PRELID2: variants seen among roughly 807,000 people sequenced by gnomAD.
PRELID2 encodes PRELI domain containing 2, also known as PRELI domain-containing protein 2.
A neutral mutation model predicts 28.4 loss-of-function variants in PRELID2; 25 were observed. The ratio of observed to expected loss-of-function variants is 0.88; its 90% CI spans 0.64 to 1.23. The LOEUF is 1.23. Among genes scored for constraint, PRELID2 ranks in the 50% most tolerant of loss-of-function variants. The probability of loss-of-function intolerance (pLI) is 0.00; values close to 1 mark genes in which losing one functional copy is unlikely to be tolerated. For missense variants in PRELID2, 201 were observed against 214.4 expected, an observed-to-expected ratio of 0.94 and a Z score of 0.39; for synonymous variants, 76 against 71.6, an observed-to-expected ratio of 1.06 and a Z score of -0.31.
At chr5:145,405,618 A>G in the PRELID2 span, among the ~76,000 whole-genome samples, 1 of 151,586 alleles carries the variant, frequency 6.6e-6, no homozygotes, top group Non-Finnish European at 1.5e-5. Flanking sequence ...GCTTAGAATC[A>G]TGGCAGAAAG....
chr5:145,637,654 A>C (rs865993621), intron 1 of PRELID2, among the ~76,000 whole-genome samples: 5 of 152,218 alleles, frequency 3.3e-5, no homozygotes, highest in African/African-American at 1.2e-4. Context: ...GAGGACCAAG[A>C]GAATTTAAAC....
At chr5:145,697,047 ATAT>A (rs1755288735) in intron 1 of PRELID2, among the ~76,000 whole-genome samples, 3 of 109,982 alleles carry the variant, frequency 2.7e-5, no homozygotes, top group Non-Finnish European at 5.2e-5. Flanking sequence ...ATATATATAT[ATAT>A]ATATATATAT....
chr5:145,320,592 C>T, the PRELID2 span, among the ~76,000 whole-genome samples: 4 of 152,236 alleles, frequency 2.6e-5, no homozygotes, highest in South Asian at 8.3e-4. Context: ...CACACATTTC[C>T]CTGCACGCAT....
chr5:145,597,218 A>C (rs1293197632), intron 1 of PRELID2, among the ~76,000 whole-genome samples: 1 of 152,202 alleles, frequency 6.6e-6, no homozygotes, highest in Admixed American at 6.5e-5. Flanking sequence ...CATGGAAATA[A>C]ATTATCCTAT....
At chr5:145,353,341 T>G in the PRELID2 span, among the ~76,000 whole-genome samples, 4 of 152,020 alleles carry the variant, frequency 2.6e-5, no homozygotes, top group African/African-American at 9.7e-5. Context: ...GGCACACCTG[T>G]AGTCTCAGAT....
At chr5:145,330,762 C>T in the PRELID2 span, among the ~76,000 whole-genome samples, 10 of 151,600 alleles carry the variant, frequency 6.6e-5, no homozygotes, top group Non-Finnish European at 1.2e-4. Flanking sequence ...GTTTTTCGTA[C>T]CTCTATCTCC....
the PRELID2 span, among the ~76,000 whole-genome samples, chr5:145,253,844 A>AAC: frequency 1.2e-4 from 18 of 151,532 alleles, no homozygotes; most frequent in African/African-American, 3.2e-4. Flanking sequence ...AAAACAAAAA[A>AAC]AACAAAAAAA....
intron 1 of PRELID2, among the ~76,000 whole-genome samples, chr5:145,582,399 C>A (rs1261170001): frequency 6.6e-6 from 1 of 151,894 alleles, no homozygotes; most frequent in Non-Finnish European, 1.5e-5. Context: ...CTTCAAACAA[C>A]CAGATCTCAT....
At position 145,758,572 on chromosome 5, in the gene PRELID2, G is replaced by C. The variant is rs1359515544; in HGVS notation, c.*1964C>G. On this transcript the variant is annotated 3_prime_UTR_variant, in exon 7 of 7. Transcript: ENST00000683046. The stretch of plus-strand genomic sequence containing the variant: ...AAGGTTGAGAACTCCTGCCTTCAGA[G>C]GATGGGAGTTTTTGAGTGTGAAGGG... Among the ~76,000 whole-genome samples the C allele has an allele frequency of 6.6e-6, 1 of 152,128 alleles. No individual in the cohort carries two copies. Among genetic ancestry groups the C allele is most frequent in the East Asian group, 1.9e-4 (1 of 5,194 alleles).
chr5:145,721,276 T>C (rs979449667), intron 1 of PRELID2, among the ~76,000 whole-genome samples: 4 of 152,130 alleles, frequency 2.6e-5, no homozygotes, highest in African/African-American at 9.7e-5. Context: ...GAAAATAGTT[T>C]TGATCTCACA....
the PRELID2 span, among the ~76,000 whole-genome samples, chr5:145,349,563 A>G: frequency 6.6e-6 from 1 of 152,142 alleles, no homozygotes; most frequent in Non-Finnish European, 1.5e-5. Context: ...ACACTCATAC[A>G]GCAAATCTCA....
intron 1 of PRELID2, among the ~76,000 whole-genome samples, chr5:145,597,594 T>C (rs1476304758): frequency 2.0e-5 from 3 of 152,194 alleles, no homozygotes; most frequent in African/African-American, 7.2e-5. Flanking sequence ...AATGAACTTA[T>C]GGCATGCATC....
the PRELID2 span, among the ~76,000 whole-genome samples, chr5:145,399,989 T>C: frequency 1.3e-5 from 2 of 151,746 alleles, no homozygotes; most frequent in African/African-American, 2.4e-5. Flanking sequence ...GAATTCAAAA[T>C]GAGATTTGGA....
chr5:145,426,632 T>C, the PRELID2 span, among the ~76,000 whole-genome samples: 1 of 152,226 alleles, frequency 6.6e-6, no homozygotes, highest in African/African-American at 2.4e-5. Context: ...ATTATTTATT[T>C]AATTCTACAT....
chr5:145,405,118 C>T, the PRELID2 span, among the ~76,000 whole-genome samples: 1 of 152,082 alleles, frequency 6.6e-6, no homozygotes, highest in Non-Finnish European at 1.5e-5. Context: ...TAATAATATC[C>T]TGATTGGGGA....
intron 1 of PRELID2, among the ~76,000 whole-genome samples, chr5:145,694,666 C>G (rs1755219849): frequency 6.6e-6 from 1 of 151,966 alleles, no homozygotes; most frequent in Non-Finnish European, 1.5e-5. Context: ...TTCAACTTTC[C>G]TATATGACAT....
the PRELID2 span, among the ~76,000 whole-genome samples, chr5:145,465,854 C>A: frequency 2.0e-5 from 3 of 152,118 alleles, no homozygotes; most frequent in African/African-American, 7.2e-5. Context: ...GAGATGCAGG[C>A]AAACCCAGGC....
At chr5:145,331,942 A>G in the PRELID2 span, among the ~76,000 whole-genome samples, 40,842 of 151,994 alleles carry the variant, frequency 0.27, 5,626 homozygotes, top group South Asian at 0.33. Context: ...ACTTCCCTCA[A>G]GAGCTATTAT....
chr5:145,616,934 C>A (rs1284708354), intron 1 of PRELID2, among the ~76,000 whole-genome samples: 4 of 152,066 alleles, frequency 2.6e-5, no homozygotes, highest in Non-Finnish European at 5.9e-5. Context: ...GGCCACCCCC[C>A]GAAGCGGCCA....
Sources: gnomAD v4.1 joint callset for allele counts (sites outside exome capture counted in the v4.1 genomes callset) on GRCh38, gnomAD v4.1.1 for gene constraint, MANE v1.5 for transcripts, NCBI Gene and HGNC (gene_info 2026-07-23, HGNC 2026-07-21) for gene names.